Variants in SPINK8 observed in about 807,000 individuals in gnomAD.
SPINK8 encodes the protein serine peptidase inhibitor Kazal type 8 (putative).
SPINK8 carries 12 observed loss-of-function variants against 14.4 expected under a neutral mutation model. The observed-to-expected ratio is 0.83, with a 90% CI of 0.53 to 1.35. The LOEUF (loss-of-function observed/expected upper bound fraction) is 1.35. Ranked by LOEUF, SPINK8 falls within the 40% of genes most tolerant of loss-of-function variation. The probability of loss-of-function intolerance (pLI) is 0.00; values close to 1 mark genes in which losing one functional copy is unlikely to be tolerated. For missense variants in SPINK8, 103 were observed against 117.0 expected (o/e 0.88, Z 0.55); for synonymous variants, 32 against 37.6 (o/e 0.85, Z 0.55).
At chr3:48,324,713 A>G (rs1316955685) in intron 4 of SPINK8, among the ~76,000 whole-genome samples, 1 of 152,210 alleles carries the variant, frequency 6.6e-6, no homozygotes, top group African/African-American at 2.4e-5. Context: ...GATCTAGGAT[A>G]TGGCCTATCC....
chr3:48,329,541 A>T (rs2036188240), intron 2 of SPINK8, among the ~76,000 whole-genome samples: 1 of 152,256 alleles, frequency 6.6e-6, no homozygotes, highest in South Asian at 2.1e-4. Context: ...ACGGCTTCAG[A>T]TATTGACACA....
Position 48,306,899 on chromosome 3 carries a change from A to C in SPINK8, c.*93T>G. 1 of 1,287,594 alleles carries C rather than the reference A, an allele frequency of 7.8e-7. No homozygotes were observed. The highest frequency in any genetic ancestry group is 1.3e-5 in the South Asian group (1 of 74,872). The allele number at this position is 1,287,594 out of a possible 1,614,324, so 79.8% of individuals were successfully genotyped here. A position where few individuals can be genotyped will look rare whatever the true frequency, so the allele number is the denominator to read the frequency against. On this transcript the variant is annotated 3_prime_UTR_variant, in exon 8 of 8. Coordinates refer to ENST00000434006, the MANE Select transcript of SPINK8 (RefSeq NM_001080525.3). ...AATCAACGAGTTTGATCCAACCATTAGTAATTAAAGGGGATATATTTGAAG... is the reference window on the plus strand; with the variant it reads ...AATCAACGAGTTTGATCCAACCATTCGTAATTAAAGGGGATATATTTGAAG...
intron 4 of SPINK8, among the ~76,000 whole-genome samples, chr3:48,324,775 G>A (rs1470028891): frequency 1.3e-5 from 2 of 152,150 alleles, no homozygotes; most frequent in Non-Finnish European, 2.9e-5. Flanking sequence ...GATGTTGTTG[G>A]ATGGTGTAGT....
In SPINK8 at chr3:48,319,572, A is replaced by G; in HGVS notation, c.164T>C (p.Ile55Thr). The change falls in exon 6 of 8, where the codon ATC becomes ACC. Residue 55 changes from isoleucine to threonine, a missense_variant. Coordinates refer to ENST00000434006, the MANE Select transcript of SPINK8 (RefSeq NM_001080525.3). ...NVNKCWFLSY[I>T]KPSEPICGSD... ...GCCACAAATAGGTTCACTGGGCTTG[A>G]TGTAGGATAAAAACCAGCACTTATT... is the stretch of plus-strand genomic sequence containing the variant. 6.2e-7 allele frequency: 1 copy of G among 1,614,020 alleles called. No individual in the cohort carries two copies. The highest frequency in any genetic ancestry group is 8.5e-7 in the Non-Finnish European group (1 of 1,179,890).
At chr3:48,311,661 A>G (rs2035925716) in intron 6 of SPINK8, among the ~76,000 whole-genome samples, 1 of 152,222 alleles carries the variant, frequency 6.6e-6, no homozygotes, top group African/African-American at 2.4e-5. Context: ...AAAAAAGAAA[A>G]TACTTAGTAA....
At chr3:48,310,046 A>T in intron 6 of SPINK8, 100 bp from the exon 7 acceptor site, 1 of 1,224,894 alleles carries the variant, frequency 8.2e-7, no homozygotes, top group African/African-American at 1.6e-5. Context: ...TGGGAAATAA[A>T]CATTCTGCTA....
intron 6 of SPINK8, among the ~76,000 whole-genome samples, chr3:48,315,695 T>TG (rs1417627235): frequency 9.3e-6 from 1 of 107,190 alleles, no homozygotes; most frequent in Non-Finnish European, 1.8e-5. Context: ...CACTCCAGCC[T>TG]GGGTAACAGA....
intron 4 of SPINK8, among the ~76,000 whole-genome samples, chr3:48,326,865 C>T (rs1445370868): frequency 6.6e-6 from 1 of 151,074 alleles, no homozygotes; most frequent in Non-Finnish European, 1.5e-5. Flanking sequence ...GAGCTGAGAT[C>T]ACACCACTGC....
chr3:48,318,446 A>G (rs2036024178), intron 6 of SPINK8, among the ~76,000 whole-genome samples: 1 of 152,154 alleles, frequency 6.6e-6, no homozygotes, highest in Admixed American at 6.5e-5. Context: ...CAGCTAGAAT[A>G]ATTTCTAAGA....
chr3:48,307,476 A>C (rs1419695364), intron 7 of SPINK8, among the ~76,000 whole-genome samples: 16 of 117,312 alleles, frequency 1.4e-4, no homozygotes, highest in African/African-American at 3.3e-4. Context: ...TTCTTTCTCC[A>C]TTTTCATGTC....
intron 4 of SPINK8, among the ~76,000 whole-genome samples, chr3:48,322,237 C>A (rs2036085580): frequency 6.6e-6 from 1 of 152,028 alleles, no homozygotes; most frequent in South Asian, 2.1e-4. Context: ...CAAAAAGAAA[C>A]CCTGTAACCA....
chr3:48,326,693 G>A lies in SPINK8; in HGVS notation c.67+1582C>T, dbSNP rs184484394. On this transcript the variant is annotated intron_variant, in intron 4 of 7. Transcript: ENST00000434006. ...GGAGGCCAAGCCGGATGGATCATTC[G>A]AGGTCAGGTGTTCGAGACCACCCTG... is the stretch of plus-strand genomic sequence containing the variant. Among the ~76,000 whole-genome samples the A allele has an allele frequency of 1.5e-3, 226 of 152,052 alleles. 1 individual carries two copies. The highest frequency in any genetic ancestry group is 5.2e-3 in the African/African-American group (216 of 41,474).
intron 1 of SPINK8, among the ~76,000 whole-genome samples, chr3:48,333,302 G>A (rs140524334): frequency 1.3e-3 from 191 of 152,168 alleles, no homozygotes; most frequent in African/African-American, 3.1e-3. Context: ...AATATAAGTC[G>A]TTTCTTTCTT....
chr3:48,322,286 C>T (rs1209720568), intron 4 of SPINK8, among the ~76,000 whole-genome samples: 2 of 151,974 alleles, frequency 1.3e-5, no homozygotes, highest in Non-Finnish European at 2.9e-5. Flanking sequence ...CAACTATTTC[C>T]CCTCCTGCCC....
At chr3:48,329,372 G>A (rs189924606) in intron 2 of SPINK8, among the ~76,000 whole-genome samples, 98 bp from the exon 3 acceptor site, 1 of 152,310 alleles carries the variant, frequency 6.6e-6, no homozygotes, top group East Asian at 1.9e-4. Context: ...TAAATCTTGT[G>A]AGTTCATATT....
chr3:48,315,620 C>G (rs374173682), intron 6 of SPINK8, among the ~76,000 whole-genome samples: 2 of 145,428 alleles, frequency 1.4e-5, no homozygotes, highest in East Asian at 4.1e-4. Flanking sequence ...ACTTGGGAGG[C>G]TGAGATAGGA....
At chr3:48,310,831 C>A (rs1013378819) in intron 6 of SPINK8, among the ~76,000 whole-genome samples, 5 of 152,176 alleles carry the variant, frequency 3.3e-5, no homozygotes, top group Non-Finnish European at 2.9e-5. Flanking sequence ...TAGTACCAAT[C>A]TTTCTTAAAC....
At chr3:48,309,472 A>G (rs907105069) in intron 7 of SPINK8, among the ~76,000 whole-genome samples, 12 of 152,262 alleles carry the variant, frequency 7.9e-5, no homozygotes. Context: ...AAGCTGAATT[A>G]TCAGGCCAAA....
intron 6 of SPINK8, among the ~76,000 whole-genome samples, chr3:48,315,812 A>C (rs1168457842): frequency 6.6e-6 from 1 of 151,816 alleles, no homozygotes; most frequent in Non-Finnish European, 1.5e-5. Flanking sequence ...GTCTCACCAA[A>C]TAGCGAATAT....
Sources: gnomAD v4.1 joint callset for allele counts (sites outside exome capture counted in the v4.1 genomes callset) on GRCh38, gnomAD v4.1.1 for gene constraint, MANE v1.5 for transcripts, NCBI Gene and HGNC (gene_info 2026-07-23, HGNC 2026-07-21) for gene names.